Variants in GRM7 observed in about 807,000 individuals in gnomAD.
The protein encoded by GRM7 is glutamate metabotropic receptor 7.
Under a neutral mutation model 84.5 loss-of-function variants are expected in GRM7, and 35 were observed. The observed-to-expected ratio is 0.41, with a 90% CI of 0.32 to 0.55. The LOEUF is 0.55. GRM7 is among the 20% of genes least tolerant of loss of function. The pLI is 0.19. For synonymous variants in GRM7, 487 were observed against 455.1 expected (o/e 1.07, Z -0.89); for missense variants, 1,003 against 1,194.6 (o/e 0.84, Z 2.36).
At chr3:6,867,509 A>C (rs962723198) in intron 1 of GRM7, among the ~76,000 whole-genome samples, 4 of 152,154 alleles carry the variant, frequency 2.6e-5, no homozygotes, top group Admixed American at 2.6e-4. Flanking sequence ...ATTAAAGCAA[A>C]TCTTTTGTTG....
chr3:6,963,800 A>T (rs1693395112), intron 1 of GRM7, among the ~76,000 whole-genome samples: 1 of 152,204 alleles, frequency 6.6e-6, no homozygotes. Flanking sequence ...TCAGAGATTT[A>T]TACACAAATA....
chr3:7,317,426 A>AT (rs2125049086), intron 4 of GRM7, among the ~76,000 whole-genome samples: 2 of 152,272 alleles, frequency 1.3e-5, no homozygotes. Flanking sequence ...TTGATTTTGC[A>AT]TATGAGGTCA....
intron 7 of GRM7, among the ~76,000 whole-genome samples, chr3:7,554,747 C>T (rs1376885340): frequency 6.6e-6 from 1 of 152,128 alleles, no homozygotes; most frequent in African/African-American, 2.4e-5. Context: ...TTGAGGGCCT[C>T]CTCCCTTCTC....
intron 1 of GRM7, among the ~76,000 whole-genome samples, chr3:6,929,695 C>A (rs766001075): frequency 6.6e-6 from 1 of 152,202 alleles, no homozygotes; most frequent in African/African-American, 2.4e-5. Flanking sequence ...ATGGGGCCTA[C>A]ACCCAGCCCT....
At position 7,285,869 on chromosome 3, in the gene GRM7, A is replaced by G. The variant is rs188090704; in HGVS notation, c.737-12815A>G. On this transcript the variant is annotated intron_variant, in intron 2 of 9. Coordinates refer to ENST00000357716, the MANE Select transcript of GRM7 (RefSeq NM_000844.4). Reference sequence around the variant, plus strand: ...TTTATCTCTTAATTTCTGAAGCCCAACGTGATTTTAATGTGAGTGGATAGA... The same window carrying G: ...TTTATCTCTTAATTTCTGAAGCCCAGCGTGATTTTAATGTGAGTGGATAGA... Among the ~76,000 whole-genome samples, 246 of 152,182 alleles carry G rather than the reference A, an allele frequency of 1.6e-3. 2 individuals are homozygous for G. The highest frequency in any genetic ancestry group is 5.5e-3 in the African/African-American group (229 of 41,538).
intron 1 of GRM7, among the ~76,000 whole-genome samples, chr3:6,873,226 C>G (rs757301811): frequency 3.3e-5 from 5 of 152,162 alleles, no homozygotes; most frequent in Admixed American, 6.5e-5. Context: ...CACCCACCAC[C>G]AGGCCTGGCT....
chr3:6,980,106 C>G lies in GRM7; in HGVS notation c.519+118199C>G, dbSNP rs151060282. 7.1e-3 allele frequency among the ~76,000 whole-genome samples: 1,076 copies of G among 152,120 alleles called. 18 individuals are homozygous for G. Among genetic ancestry groups the G allele is most frequent in the African/African-American group, 0.024 (1,006 of 41,506 alleles). ...GTTAGAAAGGCATATATTTTTCTAACTTCATATATTTCCTTCCTTTCTGCC... is the reference window on the plus strand; with the variant it reads ...GTTAGAAAGGCATATATTTTTCTAAGTTCATATATTTCCTTCCTTTCTGCC... On this transcript the variant is annotated intron_variant, in intron 1 of 9. Transcript: ENST00000357716.
At chr3:6,874,952 C>T (rs777176602) in intron 1 of GRM7, among the ~76,000 whole-genome samples, 2 of 152,188 alleles carry the variant, frequency 1.3e-5, no homozygotes, top group Non-Finnish European at 2.9e-5. Context: ...ACATTCTACA[C>T]ATGACTCATC....
At chr3:7,531,997 C>T (rs997918902) in intron 7 of GRM7, among the ~76,000 whole-genome samples, 16 of 150,930 alleles carry the variant, frequency 1.1e-4, no homozygotes, top group Non-Finnish European at 8.9e-5. Context: ...TAGTTTATTG[C>T]GCGTGCTGCT....
intron 8 of GRM7, among the ~76,000 whole-genome samples, chr3:7,661,188 T>C (rs1362469963): frequency 1.3e-5 from 2 of 152,026 alleles, no homozygotes; most frequent in Non-Finnish European, 2.9e-5. Flanking sequence ...TAGGAGAAAA[T>C]TTTTTGCGAA....
intron 4 of GRM7, among the ~76,000 whole-genome samples, chr3:7,324,524 G>A (rs1700908834): frequency 6.6e-6 from 1 of 152,100 alleles, no homozygotes; most frequent in Admixed American, 6.6e-5. Flanking sequence ...CAGTGAGTAT[G>A]GATTCCCCAT....
intron 7 of GRM7, among the ~76,000 whole-genome samples, chr3:7,482,688 T>C (rs1413262369): frequency 1.3e-5 from 2 of 152,198 alleles, no homozygotes; most frequent in Non-Finnish European, 2.9e-5. Flanking sequence ...CTCTGTTCTT[T>C]CCTGGAAGAA....
chr3:7,695,221 A>C (rs564949155), intron 9 of GRM7, among the ~76,000 whole-genome samples: 1 of 152,298 alleles, frequency 6.6e-6, no homozygotes, highest in Admixed American at 6.5e-5. Flanking sequence ...ATAAAGCTGA[A>C]GTTAATTGCT....
intron 1 of GRM7, among the ~76,000 whole-genome samples, chr3:6,911,869 A>C (rs1696781988): frequency 6.6e-6 from 1 of 152,224 alleles, no homozygotes; most frequent in Non-Finnish European, 1.5e-5. Context: ...TGAAGCTAAG[A>C]ACATATGATA....
chr3:7,611,146 C>T (rs1195091947), intron 8 of GRM7, among the ~76,000 whole-genome samples: 1 of 152,144 alleles, frequency 6.6e-6, no homozygotes, highest in Non-Finnish European at 1.5e-5. Context: ...TGCTGAGCCT[C>T]ATATTCCTCA....
intron 9 of GRM7, among the ~76,000 whole-genome samples, chr3:7,725,796 C>CA (rs1340687290): frequency 3.3e-5 from 5 of 152,160 alleles, no homozygotes; most frequent in African/African-American, 1.2e-4. Context: ...CAGACATTAT[C>CA]AATCCATTCC....
chr3:7,124,946 C>CT (rs781637077), intron 1 of GRM7, among the ~76,000 whole-genome samples: 15 of 151,868 alleles, frequency 9.9e-5, no homozygotes, highest in Middle Eastern at 3.4e-3. Flanking sequence ...TTAATAGTTT[C>CT]TTTTCTTTTT....
chr3:7,229,730 T>C (rs1253500449), intron 2 of GRM7, among the ~76,000 whole-genome samples: 4 of 20,388 alleles, frequency 2.0e-4, no homozygotes, highest in African/African-American at 2.3e-4. Flanking sequence ...CACACACATA[T>C]ATATATATAT....
chr3:7,076,528 C>G (rs1698086404), intron 1 of GRM7, among the ~76,000 whole-genome samples: 1 of 152,164 alleles, frequency 6.6e-6, no homozygotes, highest in African/African-American at 2.4e-5. Flanking sequence ...CCATGACTGT[C>G]AGTTTCCTAA....
Sources: allele counts gnomAD v4.1 joint callset (sites outside exome capture counted in the v4.1 genomes callset), GRCh38; gene constraint gnomAD v4.1.1; transcripts MANE v1.5; gene names NCBI Gene and HGNC (gene_info 2026-07-23, HGNC 2026-07-21).